The following NYAP2 variants were observed in gnomAD, a reference collection of about 807,000 sequenced individuals.
NYAP2 encodes the protein neuronal tyrosine-phosphorylated phosphoinositide-3-kinase adaptor 2, also known as neuronal tyrosine-phosphorylated phosphoinositide-3-kinase adapter 2.
NYAP2 carries 23 observed loss-of-function variants against 50.4 expected under a neutral mutation model. That is an observed-to-expected ratio of 0.46 (90% CI 0.33 to 0.65). The LOEUF is 0.65. NYAP2 is among the 30% of genes least tolerant of loss of function. NYAP2 has a pLI of 0.02. For missense variants in NYAP2, 885 were observed against 861.0 expected, an observed-to-expected ratio of 1.03 and a Z score of -0.35; for synonymous variants, 394 against 365.2, an observed-to-expected ratio of 1.08 and a Z score of -0.90.
At chr2:225,620,311 C>A (rs1481888344) in intron 5 of NYAP2, among the ~76,000 whole-genome samples, 12 of 152,190 alleles carry the variant, frequency 7.9e-5, no homozygotes. Flanking sequence ...TGAAGATTTT[C>A]ATATTTGTTT....
At chr2:225,628,983 A>C (rs1013625809) in intron 6 of NYAP2, among the ~76,000 whole-genome samples, 3 of 152,200 alleles carry the variant, frequency 2.0e-5, no homozygotes, top group African/African-American at 7.2e-5. Flanking sequence ...CTAGAGAAAC[A>C]GAACCAATAG....
At chr2:225,444,045 T>G (rs1417774245) in intron 3 of NYAP2, among the ~76,000 whole-genome samples, 1 of 152,208 alleles carries the variant, frequency 6.6e-6, no homozygotes, top group African/African-American at 2.4e-5. Flanking sequence ...CCATATGGTG[T>G]GAGTTAAATT....
At chr2:225,668,770 C>T in the NYAP2 span, among the ~76,000 whole-genome samples, 1 of 152,028 alleles carries the variant, frequency 6.6e-6, no homozygotes, top group Non-Finnish European at 1.5e-5. Context: ...TATTATAGAG[C>T]AAACACATAC....
chr2:225,449,482 TA>T (rs1364137014), intron 3 of NYAP2, among the ~76,000 whole-genome samples: 1 of 152,224 alleles, frequency 6.6e-6, no homozygotes, highest in Non-Finnish European at 1.5e-5. Flanking sequence ...ATGAGATCAT[TA>T]AATGTGTGTA....
intron 3 of NYAP2, among the ~76,000 whole-genome samples, chr2:225,456,584 G>A (rs964861416): frequency 6.6e-6 from 1 of 152,122 alleles, no homozygotes; most frequent in Non-Finnish European, 1.5e-5. Context: ...AGGGTTCAGG[G>A]GCTGGTGAGG....
intron 4 of NYAP2, among the ~76,000 whole-genome samples, chr2:225,562,322 C>T (rs1427243451): frequency 6.6e-6 from 1 of 152,094 alleles, no homozygotes; most frequent in East Asian, 1.9e-4. Flanking sequence ...AAATCCAGGG[C>T]ATGTGGCTTC....
chr2:225,445,660 A>G (rs1010971779), intron 3 of NYAP2, among the ~76,000 whole-genome samples: 6 of 152,152 alleles, frequency 3.9e-5, no homozygotes, highest in African/African-American at 7.2e-5. Flanking sequence ...TTAAAAATGT[A>G]AAGCTTAAGA....
At chr2:225,616,888 C>T (rs868160217) in intron 5 of NYAP2, among the ~76,000 whole-genome samples, 4 of 152,272 alleles carry the variant, frequency 2.6e-5, no homozygotes, top group South Asian at 2.1e-4. Context: ...GTGCTTAAAA[C>T]GTGTTGTCTT....
At chr2:225,425,688 G>A (rs776302471) in intron 3 of NYAP2, among the ~76,000 whole-genome samples, 8 of 152,162 alleles carry the variant, frequency 5.3e-5, no homozygotes, top group Non-Finnish European at 1.0e-4. Context: ...GGAAACGACT[G>A]TTGTGCAGAG....
chr2:225,688,118 T>C, the NYAP2 span, among the ~76,000 whole-genome samples: 1 of 152,196 alleles, frequency 6.6e-6, no homozygotes, highest in Non-Finnish European at 1.5e-5. Context: ...TGTCTCAACT[T>C]CAGCCAAAGG....
At chr2:225,670,284 C>G in the NYAP2 span, among the ~76,000 whole-genome samples, 2 of 151,990 alleles carry the variant, frequency 1.3e-5, no homozygotes, top group Non-Finnish European at 2.9e-5. Context: ...GCTCGTGTGT[C>G]AAGTTATTTT....
At chr2:225,529,973 T>C (rs1375074535) in intron 4 of NYAP2, among the ~76,000 whole-genome samples, 1 of 151,050 alleles carries the variant, frequency 6.6e-6, no homozygotes, top group Non-Finnish European at 1.5e-5. Context: ...TCCCAAAGTG[T>C]TGGGATTGCA....
At chr2:225,479,248 C>A (rs2106164030) in intron 3 of NYAP2, among the ~76,000 whole-genome samples, 2 of 152,230 alleles carry the variant, frequency 1.3e-5, no homozygotes, top group Middle Eastern at 3.4e-3. Context: ...CCACTGCCAC[C>A]AAATCCATCC....
At chr2:225,536,029 A>C (rs1434885461) in intron 4 of NYAP2, among the ~76,000 whole-genome samples, 3 of 152,230 alleles carry the variant, frequency 2.0e-5, no homozygotes, top group Non-Finnish European at 4.4e-5. Flanking sequence ...CCAAACTGCC[A>C]ATGAGTTTCA....
the NYAP2 span, among the ~76,000 whole-genome samples, chr2:225,666,949 T>C: frequency 1.3e-5 from 2 of 151,244 alleles, no homozygotes; most frequent in Non-Finnish European, 2.9e-5. Context: ...TTGACTTTCT[T>C]CTTTGTCATG....
chr2:225,679,130 T>C, the NYAP2 span, among the ~76,000 whole-genome samples: 1 of 152,114 alleles, frequency 6.6e-6, no homozygotes, highest in Non-Finnish European at 1.5e-5. Context: ...TTAATAAGTA[T>C]GGACACAATA....
intron 5 of NYAP2, among the ~76,000 whole-genome samples, chr2:225,601,222 G>A (rs1692685287): frequency 6.6e-6 from 1 of 151,452 alleles, no homozygotes; most frequent in African/African-American, 2.4e-5. Context: ...CTGGGTTCAA[G>A]TGATTATCCT....
chr2:225,531,986 AT>A (rs1691262853), intron 4 of NYAP2, among the ~76,000 whole-genome samples: 2 of 152,250 alleles, frequency 1.3e-5, no homozygotes, highest in African/African-American at 4.8e-5. Flanking sequence ...AATAATATAA[AT>A]CAAAGAATGT....
chr2:225,679,968 G>C, the NYAP2 span, among the ~76,000 whole-genome samples: 2 of 152,024 alleles, frequency 1.3e-5, no homozygotes, highest in African/African-American at 4.8e-5. Flanking sequence ...GTAATATATA[G>C]TCATAAATAT....
Sources: allele counts gnomAD v4.1 joint callset (sites outside exome capture counted in the v4.1 genomes callset), GRCh38; gene constraint gnomAD v4.1.1; transcripts MANE v1.5; gene names NCBI Gene and HGNC (gene_info 2026-07-23, HGNC 2026-07-21).